Variants in TDRD1 observed in about 807,000 individuals in gnomAD.
TDRD1 encodes tudor domain containing 1.
In TDRD1, 37 loss-of-function variants were observed where a neutral mutation model predicts 140.6. The ratio of observed to expected loss-of-function variants is 0.26; its 90% confidence interval spans 0.20 to 0.35. The LOEUF is 0.35. Among genes scored for constraint, TDRD1 ranks in the 10% least tolerant of loss-of-function variants. The pLI, the probability that TDRD1 is intolerant of heterozygous loss-of-function variation, is 1.00. For synonymous variants in TDRD1, 506 were observed against 475.7 expected (o/e 1.06, Z -0.83); for missense variants, 1,243 against 1,393.0 (o/e 0.89, Z 1.71).
chr10:114,232,504 C>CTTTTTTT (rs140805425), downstream of TDRD1, among the ~76,000 whole-genome samples: 91 of 81,678 alleles, frequency 1.1e-3, 1 homozygote, highest in East Asian at 2.3e-3. Flanking sequence ...ACTTGAAAGA[C>CTTTTTTT]TTTTTTTTTT....
intron 1 of TDRD1, among the ~76,000 whole-genome samples, chr10:114,184,022 C>G (rs12782161): frequency 0.086 from 13,078 of 152,000 alleles, 679 homozygotes; most frequent in Middle Eastern, 0.15. Flanking sequence ...GCTAGGAATG[C>G]TTTTTAAAAA....
At chr10:114,199,490 C>A (rs568074756) in intron 4 of TDRD1, among the ~76,000 whole-genome samples, 173 bp downstream of exon 4, 75 of 152,356 alleles carry the variant, frequency 4.9e-4, no homozygotes, top group African/African-American at 1.7e-3. Flanking sequence ...CCCATCCCTT[C>A]CCATTCTTCC....
intron 23 of TDRD1, 120 bp from the exon 24 acceptor site, chr10:114,227,790 A>G: frequency 1.4e-6 from 1 of 733,110 alleles, no homozygotes; most frequent in Non-Finnish European, 2.4e-6. Flanking sequence ...GGATCCATCC[A>G]GGTCTTTGTA....
At chr10:114,198,601 G>C (rs1270856840) in intron 3 of TDRD1, among the ~76,000 whole-genome samples, 1 of 147,404 alleles carries the variant, frequency 6.8e-6, no homozygotes, top group South Asian at 2.2e-4. Context: ...CTGTCTTGCT[G>C]GTCTGCCTCT....
At chr10:114,228,855 G>T (rs750955843) in intron 25 of TDRD1, 1 of 874,866 alleles carries the variant, frequency 1.1e-6, no homozygotes, top group Non-Finnish European at 1.4e-6. Flanking sequence ...AGGCTGAGGC[G>T]GGCAGATCAC....
chr10:114,197,619 A>G (rs1050707465), intron 3 of TDRD1, among the ~76,000 whole-genome samples: 2 of 147,204 alleles, frequency 1.4e-5, no homozygotes, highest in African/African-American at 5.0e-5. Flanking sequence ...GTTATTGTCT[A>G]CTGAGTTCTG....
At chr10:114,206,082 C>T (rs927376450) in intron 10 of TDRD1, among the ~76,000 whole-genome samples, 162 bp from the exon 11 acceptor site, 1 of 152,228 alleles carries the variant, frequency 6.6e-6, no homozygotes, top group African/African-American at 2.4e-5. Context: ...AAGCTGGGCA[C>T]TACCATAGCT....
At position 114,198,607 on chromosome 10, in the gene TDRD1, C is replaced by T. The variant is rs532587954; in HGVS notation, c.385-566C>T. 2.2e-5 allele frequency among the ~76,000 whole-genome samples: 3 copies of T among 137,208 alleles called. No individual in the cohort carries two copies. The East Asian group carries it at 6.5e-4, about 30-fold the overall frequency. The allele number at this position is 137,208 out of a possible 152,430, so 90.0% of individuals were successfully genotyped here. A position where few individuals can be genotyped will look rare whatever the true frequency, so the allele number is the denominator to read the frequency against. On this transcript the variant is annotated intron_variant, in intron 3 of 25. Transcript: ENST00000251864. The stretch of plus-strand genomic sequence containing the variant: ...TTAAGTTTTCTGTCTTGCTGGTCTG[C>T]CTCTTTTCTCATCCTTTGGCTAGCA...
rs375158506 is a variant in TDRD1 at position 114,210,823 on chromosome 10, G to A, written c.1553-37G>A. ...ACTTGACATGTAGAAATAATGTATA[G>A]ATACGTATTTCTTTAAGATGTGATC... is the stretch of plus-strand genomic sequence containing the variant. On this transcript the variant is annotated intron_variant, in intron 12 of 25. Transcript: ENST00000251864. 7 of 1,612,386 alleles carry A rather than the reference G, an allele frequency of 4.3e-6. 1 individual carries two copies. In the African/African-American group the frequency reaches 6.7e-5, roughly 15 times the overall value.
At chr10:114,218,003 A>G (rs559157692) in intron 17 of TDRD1, among the ~76,000 whole-genome samples, 6 of 152,348 alleles carry the variant, frequency 3.9e-5, no homozygotes, top group East Asian at 3.9e-4. Flanking sequence ...AGACATCTTC[A>G]TTACAATAAT....
chr10:114,197,667 T>C (rs1157054315), intron 3 of TDRD1, among the ~76,000 whole-genome samples: 1 of 151,826 alleles, frequency 6.6e-6, no homozygotes, highest in African/African-American at 2.4e-5. Context: ...GAGACTTTTT[T>C]TTTTTTTTTT....
downstream of TDRD1, among the ~76,000 whole-genome samples, chr10:114,232,504 C>CTTTTTTTTTTTTTTTTTT (rs140805425): frequency 3.2e-4 from 26 of 81,668 alleles, no homozygotes; most frequent in African/African-American, 9.1e-4. Context: ...ACTTGAAAGA[C>CTTTTTTTTTTTTTTTTTT]TTTTTTTTTT....
At chr10:114,223,373 G>C (rs1456502220) in intron 21 of TDRD1, among the ~76,000 whole-genome samples, 3 of 152,234 alleles carry the variant, frequency 2.0e-5, no homozygotes, top group Non-Finnish European at 4.4e-5. Context: ...ACAAGGTCTT[G>C]AAAGTCTGCC....
At chr10:114,196,744 G>C (rs971273192) in intron 3 of TDRD1, among the ~76,000 whole-genome samples, 4 of 148,194 alleles carry the variant, frequency 2.7e-5, no homozygotes, top group Non-Finnish European at 4.4e-5. Flanking sequence ...ATGTGTCTTG[G>C]TGTTTAGTCT....
chr10:114,228,303 C>G, intron 25 of TDRD1: 2 of 1,378,902 alleles, frequency 1.5e-6, no homozygotes, highest in African/African-American at 1.5e-5. Context: ...TTTATCTGAT[C>G]GTTTTCCTTT....
At chr10:114,205,804 G>A (rs2035062504) in intron 10 of TDRD1, among the ~76,000 whole-genome samples, 1 of 152,122 alleles carries the variant, frequency 6.6e-6, no homozygotes, top group African/African-American at 2.4e-5. Flanking sequence ...CCTACTATTC[G>A]ATAGCACAAT....
chr10:114,227,830 A>C (rs770397519), intron 23 of TDRD1, 80 bp from the exon 24 acceptor site: 24 of 1,109,204 alleles, frequency 2.2e-5, no homozygotes, highest in Non-Finnish European at 2.9e-5. Context: ...GGGGAGAGCT[A>C]TCTGTATATG....
At chr10:114,212,016 C>G in exon 14 of TDRD1, 5 of 1,610,756 alleles carry the variant, frequency 3.1e-6, no homozygotes, top group Non-Finnish European at 4.2e-6. Context: ...CCAATGCAAG[C>G]TATAAAGTGT....
Position 114,228,096 on chromosome 10 carries a change from A to C in TDRD1, c.3509A>C (p.Lys1170Thr), listed in dbSNP as rs1366881848. Residue 1170 changes from lysine to threonine, a missense_variant, in exon 25 of 26, where the codon AAA becomes ACA. By Grantham distance (78) the Lys-to-Thr change is moderately conservative (BLOSUM62 -1). This residue lies in a region of TDRD1 where 601 missense variants were observed against 734.7 expected (regional missense o/e 0.82). Transcript: ENST00000251864. ...TTAAACAATTCAACCAATCAAAATA[A>C]ATTTATTGAAATGAAAAAACTGTTA... is the stretch of plus-strand genomic sequence containing the variant. 5.0e-6 allele frequency: 8 copies of C among 1,600,972 alleles called. No homozygotes were observed. The highest frequency in any genetic ancestry group is 6.8e-6 in the Non-Finnish European group (8 of 1,173,402).
Sources: allele counts gnomAD v4.1 joint callset (sites outside exome capture counted in the v4.1 genomes callset), GRCh38; gene constraint gnomAD v4.1.1; regional missense constraint gnomAD v4.1.1; transcripts MANE v1.5; gene names NCBI Gene and HGNC (gene_info 2026-07-23, HGNC 2026-07-21).